The following GAK variants were observed in gnomAD, a reference collection of about 807,000 sequenced individuals.
GAK encodes the protein cyclin G associated kinase.
Under a neutral mutation model 143.9 loss-of-function variants are expected in GAK, and 79 were observed. The observed-to-expected ratio is 0.55, with a 90% confidence interval of 0.46 to 0.66. The LOEUF (loss-of-function observed/expected upper bound fraction) is 0.66, where lower values mean the gene tolerates loss of function less well. Ranked by LOEUF, GAK falls within the 30% of genes least tolerant of loss-of-function variation. The pLI, the probability that GAK is intolerant of heterozygous loss-of-function variation, is 0.00. For missense variants in GAK, 1,693 were observed against 1,779.7 expected, an observed-to-expected ratio of 0.95 and a Z score of 0.88; for synonymous variants, 881 against 765.5, an observed-to-expected ratio of 1.15 and a Z score of -2.49.
intron 1 of GAK, among the ~76,000 whole-genome samples, chr4:920,316 A>C (rs1187414643): frequency 2.6e-5 from 4 of 151,740 alleles, no homozygotes; most frequent in Non-Finnish European, 5.9e-5. Flanking sequence ...TCAAAAAAAA[A>C]AAAACAAAAA....
At chr4:926,134 G>T (rs755804243) in intron 1 of GAK, among the ~76,000 whole-genome samples, 1 of 150,488 alleles carries the variant, frequency 6.6e-6, no homozygotes, top group Admixed American at 6.6e-5. Context: ...TGACCTCCCC[G>T]AACGTCTAAT....
At position 887,241 on chromosome 4, in the gene GAK, T is replaced by TCACGCGCACTCACGC. The variant is rs1560362284; in HGVS notation, c.1205+1605_1205+1606insGCGTGAGTGCGCGTG. The TCACGCGCACTCACGC allele has an allele frequency of 6.8e-5, 6 of 88,810 alleles. No individual in the cohort carries two copies. The South Asian group carries it at 1.8e-3, about 26-fold the overall frequency. 5.5% of individuals were successfully genotyped at this position (88,810 alleles called of 1,614,324 possible). A position where few individuals can be genotyped will look rare whatever the true frequency, so the allele number is the denominator to read the frequency against. On this transcript the variant is annotated intron_variant, in intron 11 of 27. Transcript: ENST00000314167. ...TGCACGCGGCTCACGCGCACTCACG[T>TCACGCGCACTCACGC]GTACACATGCACGCGGCTCACGCGC... is the stretch of plus-strand genomic sequence containing the variant.
intron 1 of GAK, among the ~76,000 whole-genome samples, chr4:919,733 T>C (rs555887040): frequency 6.6e-6 from 1 of 152,360 alleles, no homozygotes; most frequent in South Asian, 2.1e-4. Flanking sequence ...ATATCTAACA[T>C]TACATCACAC....
intron 5 of GAK, among the ~76,000 whole-genome samples, chr4:901,069 G>T (rs151088167): frequency 6.6e-6 from 1 of 152,230 alleles, no homozygotes; most frequent in Admixed American, 6.5e-5. Flanking sequence ...CAAAATCTAC[G>T]TGAAGACACC....
intron 24 of GAK, among the ~76,000 whole-genome samples, chr4:858,594 C>G (rs1460203550): frequency 6.6e-6 from 1 of 152,208 alleles, no homozygotes; most frequent in African/African-American, 2.4e-5. Context: ...TGGATGTCCT[C>G]AAGACATAGT....
chr4:881,627 C>G (rs932243532), intron 15 of GAK, among the ~76,000 whole-genome samples: 24 of 152,184 alleles, frequency 1.6e-4, no homozygotes, highest in Non-Finnish European at 3.4e-4. Flanking sequence ...CACCAGAGCC[C>G]ACCACATACA....
At chr4:900,576 T>C (rs1286322932) in intron 5 of GAK, among the ~76,000 whole-genome samples, 1 of 149,498 alleles carries the variant, frequency 6.7e-6, no homozygotes, top group Non-Finnish European at 1.5e-5. Context: ...CATGAGAAAA[T>C]CCACCACTCA....
At position 868,671 on chromosome 4, in the gene GAK, G is replaced by A; in HGVS notation, c.2263C>T (p.Pro755Ser). The change falls in exon 20 of 28, where the codon CCC (proline) becomes TCC (serine). Residue 755 changes from proline (P) to serine (S), a missense_variant. This residue lies in a region of GAK where 822 missense variants were observed against 788.7 expected (regional missense o/e 1.04). Coordinates refer to ENST00000314167, the MANE Select transcript of GAK (RefSeq NM_005255.4). The part of the protein sequence containing the change: ...ILSKFGKPEL[P>S]RQPGSTAQYD... ...TGAGCCGTGGAGCCAGGCTGCCGGG[G>A]AAGCTCCGGCTTCCCTGCAGGAGAG... is the stretch of plus-strand genomic sequence containing the variant. The A allele has an allele frequency of 1.9e-6, 3 of 1,551,898 alleles. No homozygotes were observed. Among genetic ancestry groups the A allele is most frequent in the South Asian group, 1.2e-5 (1 of 84,230 alleles).
intron 23 of GAK, among the ~76,000 whole-genome samples, chr4:862,591 G>C (rs1278279102): frequency 6.6e-6 from 1 of 151,850 alleles, no homozygotes; most frequent in Admixed American, 6.6e-5. Context: ...CCGGGAGGCG[G>C]AGCTTGCAGT....
chr4:918,407 A>C (rs183464747), intron 1 of GAK, among the ~76,000 whole-genome samples: 6 of 152,378 alleles, frequency 3.9e-5, no homozygotes, highest in African/African-American at 1.4e-4. Flanking sequence ...AAATTAATAA[A>C]AGGCATAAAG....
intron 25 of GAK, 116 bp from the exon 26 acceptor site, chr4:851,200 C>T (rs1748080629): frequency 5.9e-6 from 5 of 847,042 alleles, no homozygotes; most frequent in South Asian, 5.1e-5. Context: ...CGGCCTCAAG[C>T]GATCCTCTTG....
intron 23 of GAK, among the ~76,000 whole-genome samples, chr4:864,633 G>A (rs765824710): frequency 5.9e-5 from 9 of 152,026 alleles, no homozygotes; most frequent in Non-Finnish European, 8.8e-5. Flanking sequence ...GACAGGGCAC[G>A]GGGCGTCGCA....
chr4:885,808 C>G (rs1054677097), intron 11 of GAK: 2 of 151,930 alleles, frequency 1.3e-5, no homozygotes, highest in Non-Finnish European at 2.9e-5. Context: ...CTTGCTCACT[C>G]CAGGCCAGAG....
At chr4:910,073 G>C (rs1721775566) in intron 4 of GAK, among the ~76,000 whole-genome samples, 2 of 152,144 alleles carry the variant, frequency 1.3e-5, no homozygotes, top group African/African-American at 4.8e-5. Flanking sequence ...GGGCCAGGTG[G>C]GACCCCCAGG....
chr4:920,864 G>A (rs1042548365), intron 1 of GAK, among the ~76,000 whole-genome samples: 1 of 152,124 alleles, frequency 6.6e-6, no homozygotes, highest in African/African-American at 2.4e-5. Context: ...TTGTTAAAAG[G>A]TTAACGTTTA....
chr4:924,740 T>C (rs1009724902), intron 1 of GAK, among the ~76,000 whole-genome samples: 2 of 152,054 alleles, frequency 1.3e-5, no homozygotes, highest in Non-Finnish European at 2.9e-5. Flanking sequence ...GAGATCTGAC[T>C]GGGCCATGGG....
chr4:903,631 G>GGCCA (rs1720428812), intron 5 of GAK, among the ~76,000 whole-genome samples: 2 of 149,718 alleles, frequency 1.3e-5, no homozygotes, highest in Non-Finnish European at 3.0e-5. Flanking sequence ...GGCCTGAACT[G>GGCCA]ACACCACCAG....
intron 1 of GAK, among the ~76,000 whole-genome samples, chr4:916,148 G>A (rs569728439): frequency 6.6e-6 from 1 of 152,188 alleles, no homozygotes; most frequent in African/African-American, 2.4e-5. Flanking sequence ...AGGAATTTCT[G>A]CTTTTTGAAA....
chr4:919,290 T>G (rs1037294336), intron 1 of GAK, among the ~76,000 whole-genome samples: 2 of 147,814 alleles, frequency 1.4e-5, no homozygotes, highest in Non-Finnish European at 3.0e-5. Flanking sequence ...CGCATGACCT[T>G]AGAAAGACAG....
Sources: allele counts gnomAD v4.1 joint callset (sites outside exome capture counted in the v4.1 genomes callset), GRCh38; gene constraint gnomAD v4.1.1; regional missense constraint gnomAD v4.1.1; transcripts MANE v1.5; gene names NCBI Gene and HGNC (gene_info 2026-07-23, HGNC 2026-07-21).